SPOCK1: variants seen among roughly 807,000 people sequenced by gnomAD.
SPOCK1 encodes testican-1.
A neutral mutation model predicts 55.3 loss-of-function variants in SPOCK1; 23 were observed. The ratio of observed to expected loss-of-function variants is 0.42; its 90% CI spans 0.30 to 0.59. The LOEUF is 0.59. Among genes scored for constraint, SPOCK1 ranks in the 20% least tolerant of loss-of-function variants. SPOCK1 has a pLI of 0.22. For synonymous variants in SPOCK1, 226 were observed against 221.0 expected (o/e 1.02, Z -0.20); for missense variants, 499 against 552.5 (o/e 0.90, Z 0.97).
At chr5:137,072,226 A>G (rs1237529600) in intron 5 of SPOCK1, among the ~76,000 whole-genome samples, 2 of 152,266 alleles carry the variant, frequency 1.3e-5, no homozygotes, top group Non-Finnish European at 2.9e-5. Context: ...AAACCTTTAT[A>G]TTGATTTTAT....
intron 6 of SPOCK1, among the ~76,000 whole-genome samples, chr5:136,999,991 A>G (rs1751118844): frequency 6.6e-6 from 1 of 152,208 alleles, no homozygotes; most frequent in Non-Finnish European, 1.5e-5. Context: ...CTTCTGTCAC[A>G]GGACCAGCCC....
intron 2 of SPOCK1, among the ~76,000 whole-genome samples, chr5:137,364,078 TCTC>T (rs761913064): frequency 1.2e-4 from 19 of 152,134 alleles, no homozygotes; most frequent in African/African-American, 1.7e-4. Context: ...TAGAAGCTCA[TCTC>T]CTGCTTCTGA....
At chr5:137,403,173 G>A (rs924902442) in intron 2 of SPOCK1, among the ~76,000 whole-genome samples, 4 of 152,180 alleles carry the variant, frequency 2.6e-5, no homozygotes, top group East Asian at 1.9e-4. Flanking sequence ...AGACCACTAC[G>A]GAAGATGATC....
chr5:137,197,495 A>G (rs1208390856), intron 3 of SPOCK1, among the ~76,000 whole-genome samples: 1 of 152,216 alleles, frequency 6.6e-6, no homozygotes, highest in Non-Finnish European at 1.5e-5. Flanking sequence ...CTACCTGCCA[A>G]GGCTGCATGA....
intron 5 of SPOCK1, among the ~76,000 whole-genome samples, chr5:137,088,456 C>T (rs1009276252): frequency 4.6e-5 from 7 of 152,180 alleles, no homozygotes; most frequent in Non-Finnish European, 1.0e-4. Context: ...TACAAATCAC[C>T]TGATCGGCCT....
At chr5:137,096,661 C>T (rs2127022530) in intron 5 of SPOCK1, among the ~76,000 whole-genome samples, 1 of 152,354 alleles carries the variant, frequency 6.6e-6, no homozygotes, top group South Asian at 2.1e-4. Context: ...GATGAGCCAA[C>T]CCAAGCCATC....
At position 137,106,523 on chromosome 5, in the gene SPOCK1, C is replaced by T. The variant is rs1288107560; in HGVS notation, c.474+5912G>A. Among the ~76,000 whole-genome samples, 6 of 152,090 alleles carry T rather than the reference C, an allele frequency of 3.9e-5. 1 individual carries two copies. Among genetic ancestry groups the T allele is most frequent in the Non-Finnish European group, 8.8e-5 (6 of 68,028 alleles). On this transcript the variant is annotated intron_variant, in intron 5 of 10. Coordinates refer to ENST00000394945, the MANE Select transcript of SPOCK1 (RefSeq NM_004598.4). ...GACGGTGAAGAAGTCCTCCTGGGCT[C>T]GGAGCTGTAATGACTCTATATCTGA... is the stretch of plus-strand genomic sequence containing the variant.
intron 2 of SPOCK1, among the ~76,000 whole-genome samples, chr5:137,352,317 A>C (rs1172748316): frequency 6.6e-6 from 1 of 152,226 alleles, no homozygotes; most frequent in African/African-American, 2.4e-5. Context: ...CATCTCTGTT[A>C]ATCACTCTTT....
At chr5:137,351,799 T>C (rs1750686796) in intron 2 of SPOCK1, among the ~76,000 whole-genome samples, 1 of 152,208 alleles carries the variant, frequency 6.6e-6, no homozygotes, top group Admixed American at 6.5e-5. Context: ...TGTTGTCATA[T>C]AGATCAGAAT....
At chr5:137,447,280 C>T (rs529917191) in intron 2 of SPOCK1, among the ~76,000 whole-genome samples, 1 of 152,308 alleles carries the variant, frequency 6.6e-6, no homozygotes, top group South Asian at 2.1e-4. Context: ...CAAAGCCCTT[C>T]ACCAGCAGAG....
chr5:137,386,047 G>A (rs1455734804), intron 2 of SPOCK1, among the ~76,000 whole-genome samples: 1 of 152,154 alleles, frequency 6.6e-6, no homozygotes, highest in African/African-American at 2.4e-5. Flanking sequence ...AGGATACAAG[G>A]TTAATATACA....
intron 3 of SPOCK1, among the ~76,000 whole-genome samples, chr5:137,242,863 T>G (rs1756313555): frequency 6.6e-6 from 1 of 152,218 alleles, no homozygotes; most frequent in South Asian, 2.1e-4. Context: ...GTGTATAACA[T>G]GTTCATATGT....
intron 6 of SPOCK1, among the ~76,000 whole-genome samples, chr5:137,014,406 C>T (rs1344711601): frequency 6.6e-6 from 1 of 152,172 alleles, no homozygotes; most frequent in Non-Finnish European, 1.5e-5. Flanking sequence ...TCACTGAGTC[C>T]ATTTTCCTTG....
chr5:137,420,755 G>A (rs1351384332), intron 2 of SPOCK1, among the ~76,000 whole-genome samples: 7 of 151,960 alleles, frequency 4.6e-5, no homozygotes, highest in Admixed American at 2.0e-4. Flanking sequence ...CAGCTCCTGG[G>A]TTCATTGATT....
chr5:137,466,571 C>T (rs1753628054), intron 2 of SPOCK1, among the ~76,000 whole-genome samples: 1 of 152,204 alleles, frequency 6.6e-6, no homozygotes, highest in African/African-American at 2.4e-5. Flanking sequence ...ACTCCCAGTG[C>T]TCTGCCAAGG....
At chr5:137,010,149 A>G (rs980082878) in intron 6 of SPOCK1, among the ~76,000 whole-genome samples, 1 of 152,140 alleles carries the variant, frequency 6.6e-6, no homozygotes, top group Non-Finnish European at 1.5e-5. Context: ...CTCTGAGGTC[A>G]GATGCAGTAA....
At chr5:137,470,741 ACT>A (rs1412736685) in intron 2 of SPOCK1, among the ~76,000 whole-genome samples, 1 of 152,164 alleles carries the variant, frequency 6.6e-6, no homozygotes, top group Admixed American at 6.5e-5. Context: ...TTGGTGAATC[ACT>A]GTTCACCAAA....
chr5:137,059,090 C>A (rs937706902), intron 6 of SPOCK1, among the ~76,000 whole-genome samples: 3 of 93,010 alleles, frequency 3.2e-5, no homozygotes, highest in African/African-American at 1.0e-4. Flanking sequence ...AGGTAAGGAC[C>A]AGGAGATCAA....
At chr5:137,169,567 G>A (rs952995346) in intron 3 of SPOCK1, among the ~76,000 whole-genome samples, 2 of 152,148 alleles carry the variant, frequency 1.3e-5, no homozygotes, top group Admixed American at 6.6e-5. Flanking sequence ...AAGGGCAGGA[G>A]AGTCAGAGCA....
Sources: allele counts gnomAD v4.1 joint callset (sites outside exome capture counted in the v4.1 genomes callset), GRCh38; gene constraint gnomAD v4.1.1; transcripts MANE v1.5; gene names NCBI Gene and HGNC (gene_info 2026-07-23, HGNC 2026-07-21).